Variants in ATRNL1 observed in about 807,000 individuals in gnomAD.
The protein encoded by ATRNL1 is attractin like 1, also known as attractin-like protein 1.
Under a neutral mutation model 182.7 loss-of-function variants are expected in ATRNL1, and 95 were observed. That is an observed-to-expected ratio of 0.52 (90% CI 0.44 to 0.62). The LOEUF (loss-of-function observed/expected upper bound fraction) is 0.62. ATRNL1 is among the 20% of genes least tolerant of loss of function. The probability of loss-of-function intolerance (pLI) is 0.00; values close to 1 mark genes in which losing one functional copy is unlikely to be tolerated. For synonymous variants in ATRNL1, 576 were observed against 568.3 expected (o/e 1.01, Z -0.19); for missense variants, 1,471 against 1,679.5 (o/e 0.88, Z 2.17).
chr10:115,274,990 A>T (rs1231516921), intron 13 of ATRNL1, among the ~76,000 whole-genome samples: 2 of 152,304 alleles, frequency 1.3e-5, no homozygotes, highest in East Asian at 3.9e-4. Flanking sequence ...TATGGTGGGA[A>T]TTACCACTCC....
In ATRNL1 at chr10:115,270,584, A is replaced by G. The variant is rs182917876; in HGVS notation, c.2100+2140A>G. ...TGATGATGTAAATTCTACTCTACGT[A>G]TGGAGGCTTGAGAACCAGGAGTGCA... On this transcript the variant is annotated intron_variant, in intron 13 of 28. Transcript: ENST00000355044. 1.5e-3 allele frequency among the ~76,000 whole-genome samples: 226 copies of G among 151,950 alleles called. 2 individuals are homozygous for G. The highest frequency in any genetic ancestry group is 5.3e-3 in the African/African-American group (220 of 41,452).
intron 27 of ATRNL1, among the ~76,000 whole-genome samples, chr10:115,731,716 A>C (rs1002567849): frequency 3.3e-5 from 5 of 151,418 alleles, no homozygotes; most frequent in Middle Eastern, 3.5e-3. Context: ...ACAGTTATGT[A>C]ACCACCACCA....
intron 11 of ATRNL1, 121 bp from the exon 12 acceptor site, chr10:115,266,676 A>T (rs1851621110): frequency 3.6e-6 from 2 of 557,162 alleles, no homozygotes; most frequent in South Asian, 6.5e-5. Flanking sequence ...GAACAGTACT[A>T]ACAGAAGTAC....
At position 115,256,487 on chromosome 10, in the gene ATRNL1, C is replaced by T. The variant is rs191082450; in HGVS notation, c.1688-8706C>T. Among the ~76,000 whole-genome samples, 991 of 152,040 alleles carry T rather than the reference C, an allele frequency of 6.5e-3. 11 individuals are homozygous for T. Among genetic ancestry groups the T allele is most frequent in the African/African-American group, 0.023 (938 of 41,466 alleles). On this transcript the variant is annotated intron_variant, in intron 10 of 28. Transcript: ENST00000355044. Reference sequence around the variant, plus strand: ...TTCTTTGGGATCTGTGGTGATATCCCCTTTATCATTTTTATTGCATGTATT... The same window carrying T: ...TTCTTTGGGATCTGTGGTGATATCCTCTTTATCATTTTTATTGCATGTATT...
intron 27 of ATRNL1, among the ~76,000 whole-genome samples, chr10:115,795,532 C>T (rs1037908620): frequency 1.3e-5 from 2 of 152,016 alleles, no homozygotes; most frequent in South Asian, 2.1e-4. Flanking sequence ...CCTGAGACTG[C>T]GTAATTTATA....
chr10:115,816,503 A>G (rs77525658), intron 27 of ATRNL1, among the ~76,000 whole-genome samples: 2 of 152,254 alleles, frequency 1.3e-5, no homozygotes, highest in African/African-American at 4.8e-5. Context: ...GTAAGGCCAT[A>G]TATTGTCATT....
chr10:115,404,775 A>T, intron 20 of ATRNL1, among the ~76,000 whole-genome samples: 1 of 148,996 alleles, frequency 6.7e-6, no homozygotes, highest in African/African-American at 2.5e-5. Flanking sequence ...TTTGTTCTTT[A>T]ATCCCCATTC....
intron 28 of ATRNL1, among the ~76,000 whole-genome samples, chr10:115,870,791 G>A (rs546094914): frequency 3.3e-5 from 5 of 152,264 alleles, no homozygotes; most frequent in Non-Finnish European, 5.9e-5. Context: ...TAGTAGCTGT[G>A]TGATCTTAGG....
Position 115,129,390 on chromosome 10 carries a change from A to G in ATRNL1, c.684A>G (p.Pro228=). 6.2e-7 allele frequency: 1 copy of G among 1,614,000 alleles called. No homozygotes were observed. Among genetic ancestry groups the G allele is most frequent in the African/African-American group, 1.3e-5 (1 of 75,036 alleles). Residue 228 remains proline (P), a synonymous_variant, in exon 5 of 29, where the codon CCA becomes CCG. Transcript: ENST00000355044. ...AGTGTACAACTAGTGTCTCTGTTCC[A>G]AGTCAAGTATATTGTGAATGTGATA... ...HGKCTTSVSV[P]SQVYCECDKY...
chr10:115,119,754 A>G (rs1844645574), intron 1 of ATRNL1, among the ~76,000 whole-genome samples: 1 of 152,086 alleles, frequency 6.6e-6, no homozygotes, highest in South Asian at 2.1e-4. Context: ...GTACATGAAG[A>G]AAAAATATAG....
intron 26 of ATRNL1, among the ~76,000 whole-genome samples, chr10:115,559,443 T>TGTGC (rs200694810): frequency 1.2e-4 from 9 of 77,784 alleles, no homozygotes; most frequent in South Asian, 3.4e-4. Context: ...TGTGTGTGTG[T>TGTGC]GCGCGCGCGC....
chr10:115,179,074 T>A (rs1354082465), intron 8 of ATRNL1, among the ~76,000 whole-genome samples: 5 of 152,188 alleles, frequency 3.3e-5, no homozygotes, highest in African/African-American at 7.2e-5. Flanking sequence ...TCATCACACT[T>A]TCCTTAAAAG....
Position 115,266,962 on chromosome 10 carries a change from G to A in ATRNL1, c.1938G>A (p.Gly646=), listed in dbSNP as rs782185937. 6.2e-6 allele frequency: 10 copies of A among 1,611,776 alleles called. No individual in the cohort carries two copies. Among genetic ancestry groups the A allele is most frequent in the Non-Finnish European group, 8.5e-6 (10 of 1,178,738 alleles). ...NKNHCESWES[G]NTNNILRAKC... is the part of the protein sequence containing the mutation. ...ATCACTGTGAATCTTGGGAATCTGG[G>A]AATACTAATAATATTCTTAGAGCAA... The change falls in exon 12 of 29, where the codon GGG becomes GGA. Residue 646 remains glycine (G), a synonymous_variant. Transcript: ENST00000355044.
At chr10:115,561,667 C>CTG (rs1853718589) in intron 26 of ATRNL1, among the ~76,000 whole-genome samples, 2 of 44,862 alleles carry the variant, frequency 4.5e-5, no homozygotes, top group Admixed American at 3.8e-4. Context: ...CGAGGGACAA[C>CTG]TCTGTGTGTG....
intron 19 of ATRNL1, among the ~76,000 whole-genome samples, chr10:115,347,730 CTT>C (rs1554940208): frequency 6.6e-6 from 1 of 151,834 alleles, no homozygotes. Context: ...ATAAGTTACT[CTT>C]AAAATGTTTT....
chr10:115,598,349 A>ATGT (rs60415643), intron 26 of ATRNL1, among the ~76,000 whole-genome samples: 2 of 140,486 alleles, frequency 1.4e-5, no homozygotes, highest in Non-Finnish European at 3.0e-5. Context: ...TATTTAAAAA[A>ATGT]ATTATTTATT....
At chr10:115,713,893 A>G (rs529761255) in intron 26 of ATRNL1, among the ~76,000 whole-genome samples, 68 of 152,302 alleles carry the variant, frequency 4.5e-4, no homozygotes, top group African/African-American at 1.6e-3. Flanking sequence ...TGTACAAAGT[A>G]CAAAAATTAA....
At chr10:115,427,727 T>C (rs762307571) in intron 21 of ATRNL1, among the ~76,000 whole-genome samples, 1 of 152,164 alleles carries the variant, frequency 6.6e-6, no homozygotes, top group Non-Finnish European at 1.5e-5. Flanking sequence ...TGAAAAACAC[T>C]TGTCTGTAAA....
chr10:115,319,994 T>A (rs140350468), intron 18 of ATRNL1, among the ~76,000 whole-genome samples: 4 of 152,286 alleles, frequency 2.6e-5, no homozygotes, highest in African/African-American at 9.6e-5. Flanking sequence ...GTGTCATTGA[T>A]CTTTATATCT....
Sources: allele counts gnomAD v4.1 joint callset (sites outside exome capture counted in the v4.1 genomes callset), GRCh38; gene constraint gnomAD v4.1.1; transcripts MANE v1.5; gene names NCBI Gene and HGNC (gene_info 2026-07-23, HGNC 2026-07-21).